Variants in FKBP5 observed in about 807,000 individuals in gnomAD.
FKBP5 encodes peptidyl-prolyl cis-trans isomerase FKBP5.
In FKBP5, 23 loss-of-function variants were observed where a neutral mutation model predicts 50.5. That is an observed-to-expected ratio of 0.46 (90% CI 0.33 to 0.65). The LOEUF (loss-of-function observed/expected upper bound fraction) is 0.65, where lower values mean the gene tolerates loss of function less well. FKBP5 is among the 30% of genes least tolerant of loss of function. FKBP5 has a pLI of 0.02. For synonymous variants in FKBP5, 176 were observed against 190.6 expected, an observed-to-expected ratio of 0.92 and a Z score of 0.63; for missense variants, 411 against 553.1, an observed-to-expected ratio of 0.74 and a Z score of 2.58.
chr6:35,590,123 C>T (rs1762767453), intron 7 of FKBP5, among the ~76,000 whole-genome samples: 1 of 152,160 alleles, frequency 6.6e-6, no homozygotes, highest in African/African-American at 2.4e-5. Flanking sequence ...CACAGTGAGA[C>T]CCCATGTCTA....
At chr6:35,591,255 G>A (rs1762812333) in intron 6 of FKBP5, 35 bp from the exon 7 acceptor site, 1 of 1,433,318 alleles carries the variant, frequency 7.0e-7, no homozygotes, top group African/African-American at 1.4e-5. Context: ...ACTTTAAAAG[G>A]ATTGGTGTAT....
chr6:35,704,282 C>T (rs1471845129), intron 2 of FKBP5, among the ~76,000 whole-genome samples: 1 of 152,130 alleles, frequency 6.6e-6, no homozygotes, highest in East Asian at 1.9e-4. Flanking sequence ...AATTGAGAGC[C>T]CAGAGAAGTC....
At chr6:35,686,261 G>A (rs1355740739) in intron 1 of FKBP5, among the ~76,000 whole-genome samples, 4 of 152,086 alleles carry the variant, frequency 2.6e-5, no homozygotes, top group East Asian at 3.9e-4. Flanking sequence ...TCTATTACAA[G>A]TTAAAGTAGA....
At chr6:35,581,225 C>T (rs1371505421) in intron 8 of FKBP5, 2 of 954,338 alleles carry the variant, frequency 2.1e-6, no homozygotes, top group African/African-American at 3.6e-5. Context: ...CAATATACAT[C>T]AGAAAGGTCT....
intron 3 of FKBP5, among the ~76,000 whole-genome samples, chr6:35,633,106 T>C (rs1179035973): frequency 6.6e-6 from 1 of 152,186 alleles, no homozygotes; most frequent in South Asian, 2.1e-4. Flanking sequence ...TAGGATGACT[T>C]TCCATTGAAA....
At chr6:35,609,266 C>T (rs1358017874) in intron 5 of FKBP5, among the ~76,000 whole-genome samples, 1 of 151,280 alleles carries the variant, frequency 6.6e-6, no homozygotes, top group Admixed American at 6.6e-5. Flanking sequence ...GTATTTTTTT[C>T]GAAAAGAATA....
intron 1 of FKBP5, among the ~76,000 whole-genome samples, chr6:35,674,219 G>A (rs1581872986): frequency 1.3e-5 from 2 of 152,176 alleles, no homozygotes; most frequent in African/African-American, 4.8e-5. Context: ...AAAAATAAAT[G>A]AGCAAATAAA....
chr6:35,584,586 C>A (rs1188894101), intron 8 of FKBP5: 1 of 985,338 alleles, frequency 1.0e-6, no homozygotes, highest in Admixed American at 6.1e-5. Flanking sequence ...AAACTATCTA[C>A]TAACCATTTT....
At chr6:35,711,445 C>T (rs945478659) in intron 2 of FKBP5, among the ~76,000 whole-genome samples, 2 of 152,156 alleles carry the variant, frequency 1.3e-5, no homozygotes, top group Non-Finnish European at 2.9e-5. Flanking sequence ...TGGTGAAACC[C>T]TGTCTCTACT....
intron 5 of FKBP5, among the ~76,000 whole-genome samples, chr6:35,602,515 T>C (rs1763175942): frequency 6.6e-6 from 1 of 152,050 alleles, no homozygotes; most frequent in Admixed American, 6.6e-5. Flanking sequence ...GCAAGAGTTT[T>C]CTCTGTTGCC....
intron 1 of FKBP5, among the ~76,000 whole-genome samples, chr6:35,676,704 G>T (rs1282023033): frequency 6.6e-6 from 1 of 152,132 alleles, no homozygotes; most frequent in African/African-American, 2.4e-5. Flanking sequence ...GGGCAATATA[G>T]TATTTCATTC....
intron 8 of FKBP5, chr6:35,583,401 CA>C: frequency 1.0e-6 from 1 of 985,338 alleles, no homozygotes; most frequent in East Asian, 1.1e-4. Context: ...AAACAAAACA[CA>C]AAAAACAGGT....
chr6:35,665,496 T>A (rs1053653276), intron 1 of FKBP5, among the ~76,000 whole-genome samples: 4 of 152,016 alleles, frequency 2.6e-5, no homozygotes, highest in Non-Finnish European at 4.4e-5. Context: ...TCACTATGTT[T>A]GCCAGAATGG....
intron 1 of FKBP5, among the ~76,000 whole-genome samples, chr6:35,727,886 A>C (rs1435722074): frequency 6.6e-6 from 1 of 152,178 alleles, no homozygotes. Context: ...GGGGTACCCA[A>C]GCAGGGGCAA....
chr6:35,615,229 T>C (rs1430172568), intron 5 of FKBP5, among the ~76,000 whole-genome samples: 1 of 151,958 alleles, frequency 6.6e-6, no homozygotes, highest in Non-Finnish European at 1.5e-5. Flanking sequence ...CGTATGTATG[T>C]TGAGGTCCAT....
chr6:35,684,413 A>T (rs570076903), intron 1 of FKBP5, among the ~76,000 whole-genome samples: 1 of 152,162 alleles, frequency 6.6e-6, no homozygotes, highest in South Asian at 2.1e-4. Flanking sequence ...CCTGGGCTCA[A>T]GCAATCCACG....
intron 5 of FKBP5, among the ~76,000 whole-genome samples, chr6:35,602,401 T>C (rs1381289368): frequency 6.6e-6 from 1 of 152,118 alleles, no homozygotes; most frequent in Non-Finnish European, 1.5e-5. Flanking sequence ...AAACAATTAC[T>C]GGGTCATGAG....
At chr6:35,583,468 T>G in intron 8 of FKBP5, 1 of 985,466 alleles carries the variant, frequency 1.0e-6, no homozygotes. Context: ...TGAAAGCTCT[T>G]GCATATATAT....
intron 1 of FKBP5, among the ~76,000 whole-genome samples, chr6:35,653,778 C>A (rs1476734047): frequency 6.6e-6 from 1 of 152,058 alleles, no homozygotes; most frequent in Admixed American, 6.6e-5. Context: ...GAATTATGGG[C>A]TGACAGGACA....
Sources: allele counts gnomAD v4.1 joint callset (sites outside exome capture counted in the v4.1 genomes callset), GRCh38; gene constraint gnomAD v4.1.1; transcripts MANE v1.5; gene names NCBI Gene and HGNC (gene_info 2026-07-23, HGNC 2026-07-21).